CDK6: variants seen among roughly 807,000 people sequenced by gnomAD.
CDK6 encodes the protein cyclin dependent kinase 6.
CDK6 carries 6 observed loss-of-function variants against 37.1 expected under a neutral mutation model. The observed-to-expected ratio is 0.16, with a 90% CI of 0.09 to 0.32. The LOEUF (loss-of-function observed/expected upper bound fraction) is 0.32. Ranked by LOEUF, CDK6 falls within the 10% of genes least tolerant of loss-of-function variation. The probability of loss-of-function intolerance (pLI) is 1.00; values close to 1 mark genes in which losing one functional copy is unlikely to be tolerated. For missense variants in CDK6, 224 were observed against 418.9 expected (o/e 0.53, Z 4.06); for synonymous variants, 160 against 161.3 (o/e 0.99, Z 0.06).
chr7:92,823,527 G>A (rs1430047451), intron 2 of CDK6, among the ~76,000 whole-genome samples: 2 of 144,498 alleles, frequency 1.4e-5, no homozygotes, highest in Non-Finnish European at 3.0e-5. Context: ...TAATTTGAAT[G>A]TATTTCATTC....
chr7:92,677,430 CA>C (rs1032395336), intron 4 of CDK6, among the ~76,000 whole-genome samples: 5 of 152,062 alleles, frequency 3.3e-5, no homozygotes, highest in African/African-American at 1.2e-4. Context: ...CCAGCTTGGG[CA>C]GCATGGCGAA....
chr7:92,815,528 T>G (rs143124649), intron 2 of CDK6, among the ~76,000 whole-genome samples: 14 of 152,134 alleles, frequency 9.2e-5, no homozygotes, highest in Admixed American at 1.3e-4. Context: ...CTATAGGTAG[T>G]AGAGGACTGT....
intron 5 of CDK6, among the ~76,000 whole-genome samples, chr7:92,638,509 G>A (rs552977251): frequency 6.6e-6 from 1 of 152,302 alleles, no homozygotes; most frequent in African/African-American, 2.4e-5. Flanking sequence ...CTGCCTCACT[G>A]AGTCTTGCTT....
chr7:92,779,336 G>GA (rs1799928770), intron 2 of CDK6, among the ~76,000 whole-genome samples: 1 of 152,034 alleles, frequency 6.6e-6, no homozygotes, highest in East Asian at 1.9e-4. Flanking sequence ...AAACCTTGGA[G>GA]AAAAAAGGAC....
At chr7:92,629,530 T>A (rs1169141254) in intron 5 of CDK6, among the ~76,000 whole-genome samples, 1 of 152,048 alleles carries the variant, frequency 6.6e-6, no homozygotes, top group Non-Finnish European at 1.5e-5. Flanking sequence ...ATTACAAAAC[T>A]CATAAATTAA....
In CDK6 at chr7:92,835,321, A is replaced by C. The variant is rs1256431912; in HGVS notation, c.-368+1157T>G. Reference sequence around the variant, plus strand: ...CTAGCCCCGGGCTCCGCAGCGAAGGAAGCGTCGGGGACGTCCCACCCCCGC... The same window carrying C: ...CTAGCCCCGGGCTCCGCAGCGAAGGCAGCGTCGGGGACGTCCCACCCCCGC... On this transcript the variant is annotated intron_variant, in intron 1 of 7. Transcript: ENST00000424848. This position sits in a 1 kb window ranked among gnomAD's most constrained non-coding sequence, Gnocchi z 4.2. The C allele has an allele frequency of 1.5e-5, 2 of 137,444 alleles. No individual in the cohort carries two copies. Among genetic ancestry groups the C allele is most frequent in the Non-Finnish European group, 3.1e-5 (2 of 65,554 alleles). 8.5% of individuals were successfully genotyped at this position (137,444 alleles called of 1,614,324 possible).
At chr7:92,788,788 A>G (rs1397389593) in intron 2 of CDK6, among the ~76,000 whole-genome samples, 2 of 152,108 alleles carry the variant, frequency 1.3e-5, no homozygotes, top group African/African-American at 4.8e-5. Flanking sequence ...ATCAGAAACT[A>G]TGGAGGGCAG....
At chr7:92,760,660 T>C (rs79420984) in intron 3 of CDK6, among the ~76,000 whole-genome samples, 7 of 152,260 alleles carry the variant, frequency 4.6e-5, no homozygotes, top group Non-Finnish European at 8.8e-5. Context: ...CACTAACCCA[T>C]TGTAAACAAT....
chr7:92,809,206 T>C (rs866744948), intron 2 of CDK6, among the ~76,000 whole-genome samples: 1 of 152,204 alleles, frequency 6.6e-6, no homozygotes, highest in Non-Finnish European at 1.5e-5. Flanking sequence ...GCTGTCAACA[T>C]GGAGAAACTC....
At position 92,615,089 on chromosome 7, in the gene CDK6, A is replaced by T. The variant is rs1215024771; in HGVS notation, c.*51T>A. On this transcript the variant is annotated 3_prime_UTR_variant, in exon 8 of 8. Coordinates refer to ENST00000424848, the MANE Select transcript of CDK6 (RefSeq NM_001145306.2). ...TAGGGCTTGCTGAGGGGGACCCATA[A>T]GCCACCAAGGGTGTTCTCCGCAGGA... is the stretch of plus-strand genomic sequence containing the variant. 4 of 1,603,026 alleles carry T rather than the reference A, an allele frequency of 2.5e-6. No homozygotes were observed. In the South Asian group the frequency reaches 4.4e-5, roughly 18 times the overall value.
chr7:92,664,790 CT>C (rs199837575), intron 5 of CDK6, among the ~76,000 whole-genome samples: 233 of 144,008 alleles, frequency 1.6e-3, no homozygotes, highest in Middle Eastern at 7.1e-3. Flanking sequence ...TTTTTTCTTC[CT>C]TTTTTTTTTT....
chr7:92,754,416 G>A (rs959790380), intron 3 of CDK6, among the ~76,000 whole-genome samples: 18 of 152,112 alleles, frequency 1.2e-4, no homozygotes, highest in African/African-American at 3.6e-4. Context: ...ATAAATGAAC[G>A]CAAAACCTGT....
At chr7:92,709,966 A>G (rs988229563) in intron 4 of CDK6, among the ~76,000 whole-genome samples, 30 of 152,342 alleles carry the variant, frequency 2.0e-4, no homozygotes, top group African/African-American at 6.7e-4. Flanking sequence ...CGTAAGGAAA[A>G]ATGCACTGTG....
chr7:92,608,548 A>AAAAAAC lies in CDK6; in HGVS notation c.*6586_*6591dup, dbSNP rs746472284. On this transcript the variant is annotated 3_prime_UTR_variant, in exon 8 of 8. Coordinates refer to ENST00000424848, the MANE Select transcript of CDK6 (RefSeq NM_001145306.2). ...CCTGCAATTATACATCTTTTCTTTAAAAAAACAAAAACAAAAACAAAAACT... is the reference window on the plus strand; with the variant it reads ...CCTGCAATTATACATCTTTTCTTTAAAAAAACAAAAACAAAAACAAAAACAAAAACT... 22 of 232,226 alleles carry AAAAAAC rather than the reference A, an allele frequency of 9.5e-5. No individual in the cohort carries two copies. The highest frequency in any genetic ancestry group is 1.4e-4 in the Non-Finnish European group (17 of 117,382). 14.4% of individuals were successfully genotyped at this position (232,226 alleles called of 1,614,324 possible).
intron 7 of CDK6, among the ~76,000 whole-genome samples, chr7:92,617,640 G>A (rs1795710044): frequency 6.6e-6 from 1 of 152,162 alleles, no homozygotes; most frequent in Non-Finnish European, 1.5e-5. Flanking sequence ...ACTAGAAGAA[G>A]TATTGCTATA....
intron 2 of CDK6, among the ~76,000 whole-genome samples, chr7:92,800,529 G>A (rs1421208498): frequency 6.6e-6 from 1 of 152,120 alleles, no homozygotes; most frequent in Non-Finnish European, 1.5e-5. Context: ...AATTGGCACA[G>A]GTACACACAC....
rs566681202 is a variant in CDK6 at position 92,661,015 on chromosome 7, G to A, written c.647+10411C>T. On this transcript the variant is annotated intron_variant, in intron 5 of 7. Coordinates refer to ENST00000424848, the MANE Select transcript of CDK6 (RefSeq NM_001145306.2). The stretch of plus-strand genomic sequence containing the variant: ...GAAGGGAGATGAAGAGCCAGCAAAG[G>A]GGATATGGGCAGAGGCACCCAGAAG... Among the ~76,000 whole-genome samples the A allele has an allele frequency of 7.9e-5, 12 of 152,196 alleles. No individual in the cohort carries two copies. The South Asian group carries it at 1.5e-3, about 18-fold the overall frequency.
chr7:92,689,653 A>T (rs919406790), intron 4 of CDK6, among the ~76,000 whole-genome samples: 1 of 152,192 alleles, frequency 6.6e-6, no homozygotes, highest in African/African-American at 2.4e-5. Context: ...TATACCCAGC[A>T]ATGGGATTGC....
In CDK6 at chr7:92,618,207, G is replaced by C. The variant is rs750908606; in HGVS notation, c.699C>G (p.Asp233Glu). The change falls in exon 7 of 8, where the codon GAC becomes GAG. Residue 233 changes from aspartate (D) to glutamate (E), a missense_variant and splice_region_variant. Around this residue, in one of 5 missense-constraint regions of CDK6, gnomAD observed 90 missense variants for 136.2 expected, o/e 0.66. Transcript: ENST00000424848. ...SDVDQLGKIL[D>E]VIGLPGEEDW... is the part of the protein sequence containing the mutation. ...CTTCTTCTCCTGGGAGTCCAATCAC[G>C]CTACAAAAGAACCACACATGGACAT... 1 of 1,613,802 alleles carries C rather than the reference G, an allele frequency of 6.2e-7. No homozygotes were observed. The highest frequency in any genetic ancestry group is 8.5e-7 in the Non-Finnish European group (1 of 1,179,836).
Sources: gnomAD v4.1 joint callset for allele counts (sites outside exome capture counted in the v4.1 genomes callset) on GRCh38, gnomAD v4.1.1 for gene constraint, gnomAD v4.1.1 regional missense constraint, Gnocchi (gnomAD v3.1) non-coding constraint, MANE v1.5 for transcripts, NCBI Gene and HGNC (gene_info 2026-07-23, HGNC 2026-07-21) for gene names.